The following TCF12 variants were observed in gnomAD, a reference collection of about 807,000 sequenced individuals.
TCF12 encodes the protein DNA-binding protein HTF4.
Under a neutral mutation model 86.0 loss-of-function variants are expected in TCF12, and 45 were observed. The observed-to-expected ratio is 0.52, with a 90% CI of 0.41 to 0.67. The LOEUF (loss-of-function observed/expected upper bound fraction) is 0.67, where lower values mean the gene tolerates loss of function less well. TCF12 is among the 30% of genes least tolerant of loss of function. TCF12 has a pLI of 0.00. For missense variants in TCF12, 881 were observed against 859.9 expected (o/e 1.02, Z -0.31); for synonymous variants, 330 against 299.6 (o/e 1.10, Z -1.05).
chr15:56,977,137 C>T (rs2062647185), intron 3 of TCF12, among the ~76,000 whole-genome samples: 1 of 152,094 alleles, frequency 6.6e-6, no homozygotes, highest in African/African-American at 2.4e-5. Flanking sequence ...CTTAAAATAA[C>T]AAATTTGTTC....
intron 18 of TCF12, among the ~76,000 whole-genome samples, chr15:57,265,068 A>AATAGT (rs71113096): frequency 0.039 from 5,507 of 139,642 alleles, 285 homozygotes; most frequent in East Asian, 0.086. Context: ...TCTAATGATA[A>AATAGT]ATAGTATAGT....
At chr15:57,187,775 C>T (rs1423487049) in intron 6 of TCF12, among the ~76,000 whole-genome samples, 2 of 151,892 alleles carry the variant, frequency 1.3e-5, no homozygotes, top group Non-Finnish European at 2.9e-5. Flanking sequence ...ATGAAAAATA[C>T]AAAAATTAGC....
chr15:56,997,640 T>C (rs2063785130), intron 3 of TCF12, among the ~76,000 whole-genome samples: 1 of 152,072 alleles, frequency 6.6e-6, no homozygotes, highest in African/African-American at 2.4e-5. Context: ...TAAAAAATAT[T>C]CAAATAACCC....
intron 6 of TCF12, among the ~76,000 whole-genome samples, chr15:57,190,488 C>G (rs546660704): frequency 1.3e-5 from 2 of 152,110 alleles, no homozygotes; most frequent in Admixed American, 1.3e-4. Flanking sequence ...ATGGGGGATT[C>G]GTAAATGTAC....
At chr15:57,150,871 G>C (rs1371477596) in intron 5 of TCF12, among the ~76,000 whole-genome samples, 6 of 48,874 alleles carry the variant, frequency 1.2e-4, no homozygotes, top group Admixed American at 8.0e-4. Context: ...CTCCCCCTCT[G>C]TCCCTTCCTT....
chr15:56,971,613 C>G (rs1484707928), intron 3 of TCF12, among the ~76,000 whole-genome samples: 1 of 152,054 alleles, frequency 6.6e-6, no homozygotes, highest in Non-Finnish European at 1.5e-5. Flanking sequence ...TTGGTTTGTG[C>G]TAGACAAAGG....
rs181443512 is a variant in TCF12, at chr15:57,155,717, A to G, written c.326-10685A>G. On this transcript the variant is annotated intron_variant, in intron 5 of 20. Transcript: ENST00000333725. ...GGCTGAAGCAGGAGGATTGAACCCA[A>G]GAGTTCAAGGCTATCGAGCGCCACT... 1.4e-4 allele frequency among the ~76,000 whole-genome samples: 21 copies of G among 152,218 alleles called. No individual in the cohort carries two copies. In the East Asian group the frequency reaches 3.3e-3, roughly 24 times the overall value.
chr15:57,051,656 G>A (rs1200158653), intron 3 of TCF12, among the ~76,000 whole-genome samples: 1 of 152,144 alleles, frequency 6.6e-6, no homozygotes, highest in Non-Finnish European at 1.5e-5. Flanking sequence ...AGAAGACACT[G>A]GCTTTCTGCT....
At chr15:57,092,100 G>T in intron 5 of TCF12, 1 of 413,072 alleles carries the variant, frequency 2.4e-6, no homozygotes, top group South Asian at 5.6e-5. Context: ...TTGTTTTGGT[G>T]TCAAAAAAAG....
intron 6 of TCF12, among the ~76,000 whole-genome samples, chr15:57,168,920 C>T (rs545372439): frequency 1.4e-4 from 22 of 152,214 alleles, no homozygotes; most frequent in East Asian, 5.8e-4. Flanking sequence ...GTGGCAGGCT[C>T]CTGTAATCCC....
intron 13 of TCF12, chr15:57,247,824 T>C: frequency 1.3e-6 from 1 of 754,006 alleles, no homozygotes; most frequent in South Asian, 1.4e-5. Flanking sequence ...CCAAAGCCCC[T>C]GGAACGTGTT....
intron 5 of TCF12, chr15:57,109,119 T>TC: frequency 6.6e-6 from 1 of 152,218 alleles, no homozygotes; most frequent in Non-Finnish European, 1.5e-5. Context: ...ATCTCAAATT[T>TC]CCCTTTTTGC....
intron 4 of TCF12, among the ~76,000 whole-genome samples, chr15:57,066,429 A>G (rs1378461041): frequency 2.0e-5 from 3 of 152,144 alleles, no homozygotes; most frequent in East Asian, 1.9e-4. Context: ...AACTTAAACA[A>G]TGTAGTTGCA....
At chr15:57,035,558 G>C (rs1477497456) in intron 3 of TCF12, among the ~76,000 whole-genome samples, 1 of 152,142 alleles carries the variant, frequency 6.6e-6, no homozygotes, top group East Asian at 1.9e-4. Context: ...TGAGCCACTA[G>C]TGCCCAGCCT....
chr15:57,194,381 G>A (rs1247915255), intron 7 of TCF12, among the ~76,000 whole-genome samples: 1 of 151,430 alleles, frequency 6.6e-6, no homozygotes, highest in African/African-American at 2.4e-5. Context: ...GCCAAGGCTT[G>A]AGTTGGGATA....
intron 3 of TCF12, among the ~76,000 whole-genome samples, chr15:57,026,524 C>T (rs764319606): frequency 1.8e-4 from 28 of 152,054 alleles, no homozygotes; most frequent in East Asian, 3.8e-4. Context: ...CTGTGCTTCT[C>T]GGATAAAAAT....
intron 3 of TCF12, among the ~76,000 whole-genome samples, chr15:57,052,572 G>A (rs1420694647): frequency 6.6e-6 from 1 of 151,614 alleles, no homozygotes; most frequent in Non-Finnish European, 1.5e-5. Context: ...GGGAGGCAGA[G>A]GTTGCAGTGA....
At chr15:56,995,146 A>G (rs1477026713) in intron 3 of TCF12, among the ~76,000 whole-genome samples, 1 of 151,392 alleles carries the variant, frequency 6.6e-6, no homozygotes, top group African/African-American at 2.4e-5. Context: ...ATTACAATGG[A>G]TAAATTAAAA....
At chr15:57,180,806 A>T (rs1383539721) in intron 6 of TCF12, among the ~76,000 whole-genome samples, 20 of 82,124 alleles carry the variant, frequency 2.4e-4, no homozygotes, top group South Asian at 5.0e-4. Context: ...GATGCTAATA[A>T]TTTTTTTTTT....
Sources: allele counts gnomAD v4.1 joint callset (sites outside exome capture counted in the v4.1 genomes callset), GRCh38; gene constraint gnomAD v4.1.1; transcripts MANE v1.5; gene names NCBI Gene and HGNC (gene_info 2026-07-23, HGNC 2026-07-21).